Variants in ADAMTS17 observed in about 807,000 individuals in gnomAD.
ADAMTS17 encodes the protein A disintegrin and metalloproteinase with thrombospondin motifs 17.
ADAMTS17 carries 113 observed loss-of-function variants against 141.5 expected under a neutral mutation model. That is an observed-to-expected ratio of 0.80 (90% CI 0.69 to 0.93). The LOEUF (loss-of-function observed/expected upper bound fraction) is 0.93. ADAMTS17 is among the 40% of genes least tolerant of loss of function. The pLI is 0.00. For missense variants in ADAMTS17, 1,659 were observed against 1,517.9 expected (o/e 1.09, Z -1.54); for synonymous variants, 768 against 630.6 (o/e 1.22, Z -3.27).
At chr15:100,136,472 T>A (rs2038339279) in intron 10 of ADAMTS17, among the ~76,000 whole-genome samples, 1 of 152,224 alleles carries the variant, frequency 6.6e-6, no homozygotes, top group South Asian at 2.1e-4. Context: ...ACTACACGAA[T>A]GCTTGTCATC....
At chr15:99,985,100 C>G (rs1254126207) in intron 20 of ADAMTS17, among the ~76,000 whole-genome samples, 1 of 152,260 alleles carries the variant, frequency 6.6e-6, no homozygotes, top group Non-Finnish European at 1.5e-5. Flanking sequence ...GCCCAGGTCT[C>G]GGACTTCTCT....
chr15:100,281,883 A>G (rs748571154), intron 3 of ADAMTS17, among the ~76,000 whole-genome samples: 1 of 152,222 alleles, frequency 6.6e-6, no homozygotes, highest in Non-Finnish European at 1.5e-5. Context: ...ATCAGGAGCC[A>G]TAAATGTTGG....
chr15:100,209,114 A>AAC (rs1491571510), intron 7 of ADAMTS17, among the ~76,000 whole-genome samples: 5 of 12,378 alleles, frequency 4.0e-4, no homozygotes, highest in African/African-American at 7.7e-4. Context: ...CCAAGTTAGC[A>AAC]AAAAAAAAAA....
At chr15:100,072,492 C>T (rs926118221) in intron 15 of ADAMTS17, among the ~76,000 whole-genome samples, 3 of 151,856 alleles carry the variant, frequency 2.0e-5, no homozygotes, top group African/African-American at 7.2e-5. Flanking sequence ...CATCACGCTA[C>T]CTGACTTCAA....
intron 4 of ADAMTS17, among the ~76,000 whole-genome samples, chr15:100,265,649 C>A (rs1197304276): frequency 1.3e-5 from 2 of 152,188 alleles, no homozygotes; most frequent in Non-Finnish European, 2.9e-5. Context: ...CTCACCACGC[C>A]AGGCTGGGCT....
chr15:100,159,589 G>C (rs1458898193), intron 8 of ADAMTS17, among the ~76,000 whole-genome samples: 1 of 152,250 alleles, frequency 6.6e-6, no homozygotes, highest in African/African-American at 2.4e-5. Flanking sequence ...AATGTACAGA[G>C]GTTATAGAAA....
At chr15:100,148,114 A>G (rs1277510512) in intron 10 of ADAMTS17, among the ~76,000 whole-genome samples, 1 of 152,250 alleles carries the variant, frequency 6.6e-6, no homozygotes, top group Non-Finnish European at 1.5e-5. Context: ...AGATAACCCA[A>G]GAAAATCTCC....
intron 15 of ADAMTS17, among the ~76,000 whole-genome samples, chr15:100,055,537 C>T (rs994976491): frequency 1.3e-5 from 2 of 152,146 alleles, no homozygotes; most frequent in East Asian, 1.9e-4. Context: ...AACTTTCCAG[C>T]AGAGTGGCTT....
intron 16 of ADAMTS17, among the ~76,000 whole-genome samples, chr15:100,052,920 C>A (rs1450839791): frequency 6.6e-6 from 1 of 152,230 alleles, no homozygotes; most frequent in Admixed American, 6.5e-5. Flanking sequence ...GGGCAACGCC[C>A]ACCCTGGGGG....
chr15:100,014,193 G>C (rs1226239730), intron 18 of ADAMTS17, among the ~76,000 whole-genome samples: 3 of 152,074 alleles, frequency 2.0e-5, no homozygotes, highest in African/African-American at 7.2e-5. Context: ...CAGTAGCCTT[G>C]AATAATCTTT....
At chr15:100,065,842 G>A (rs1596332429) in intron 15 of ADAMTS17, among the ~76,000 whole-genome samples, 1 of 152,134 alleles carries the variant, frequency 6.6e-6, no homozygotes, top group African/African-American at 2.4e-5. Context: ...GCATGCATTA[G>A]GTATTTGTCC....
At chr15:100,280,210 C>G (rs183946464) in intron 4 of ADAMTS17, among the ~76,000 whole-genome samples, 2 of 152,140 alleles carry the variant, frequency 1.3e-5, no homozygotes, top group East Asian at 3.9e-4. Flanking sequence ...ATATTCATTG[C>G]TCCTCCTTTT....
At chr15:100,045,433 G>A (rs2031609389) in intron 18 of ADAMTS17, among the ~76,000 whole-genome samples, 2 of 152,058 alleles carry the variant, frequency 1.3e-5, no homozygotes, top group African/African-American at 2.4e-5. Context: ...TTTTGTTTTA[G>A]TAGGCAGCTA....
At chr15:100,014,907 A>G (rs982339765) in intron 18 of ADAMTS17, among the ~76,000 whole-genome samples, 4 of 152,046 alleles carry the variant, frequency 2.6e-5, no homozygotes, top group African/African-American at 7.2e-5. Flanking sequence ...TAAATCTATT[A>G]TTTCTTTGTT....
intron 12 of ADAMTS17, among the ~76,000 whole-genome samples, chr15:100,118,181 A>G (rs2037259147): frequency 6.6e-6 from 1 of 152,260 alleles, no homozygotes; most frequent in Non-Finnish European, 1.5e-5. Flanking sequence ...AATAGTCTCC[A>G]ACCACTCAAC....
intron 3 of ADAMTS17, among the ~76,000 whole-genome samples, chr15:100,282,276 T>C (rs1255958597): frequency 6.6e-6 from 1 of 152,204 alleles, no homozygotes; most frequent in African/African-American, 2.4e-5. Flanking sequence ...ACATCTCTGC[T>C]ACACACAGTC....
intron 7 of ADAMTS17, among the ~76,000 whole-genome samples, chr15:100,242,964 A>C (rs1242268622): frequency 1.3e-5 from 2 of 152,208 alleles, no homozygotes; most frequent in Non-Finnish European, 1.5e-5. Context: ...AACTCTGCCC[A>C]TTAAACACAA....
At chr15:100,298,784 C>T (rs544199277) in intron 3 of ADAMTS17, among the ~76,000 whole-genome samples, 12 of 152,328 alleles carry the variant, frequency 7.9e-5, no homozygotes, top group South Asian at 2.1e-4. Flanking sequence ...GAGACCACCA[C>T]ATTTTCTGGT....
intron 3 of ADAMTS17, among the ~76,000 whole-genome samples, chr15:100,282,517 G>A (rs549151864): frequency 2.1e-4 from 32 of 152,284 alleles, no homozygotes; most frequent in African/African-American, 7.0e-4. Context: ...TTACATTAAC[G>A]AATGGAATCA....
Sources: allele counts gnomAD v4.1 joint callset (sites outside exome capture counted in the v4.1 genomes callset), GRCh38; gene constraint gnomAD v4.1.1; transcripts MANE v1.5; gene names NCBI Gene and HGNC (gene_info 2026-07-23, HGNC 2026-07-21).